FGF13: variants seen among roughly 807,000 people sequenced by gnomAD.
FGF13 encodes the protein fibroblast growth factor homologous factor 2.
A neutral mutation model predicts 19.5 loss-of-function variants in FGF13; 2 were observed. The observed-to-expected ratio is 0.10, with a 90% confidence interval of 0.04 to 0.32. The LOEUF is 0.32. FGF13 is among the 10% of genes least tolerant of loss of function. FGF13 has a pLI of 1.00. For synonymous variants in FGF13, 72 were observed against 76.9 expected, an observed-to-expected ratio of 0.94 and a Z score of 0.33; for missense variants, 113 against 192.7, an observed-to-expected ratio of 0.59 and a Z score of 2.45.
At chrX:138,667,409 G>T (rs2089561904) in intron 3 of FGF13, among the ~76,000 whole-genome samples, 1 of 109,438 alleles carries the variant, frequency 9.1e-6, no homozygotes, top group Non-Finnish European at 1.9e-5. Flanking sequence ...ATACCTTTTT[G>T]TATTTTCCAA....
intron 1 of FGF13, among the ~76,000 whole-genome samples, chrX:139,020,671 G>A (rs1371448254): frequency 3.6e-5 from 4 of 111,218 alleles, no homozygotes; most frequent in African/African-American, 6.5e-5. Flanking sequence ...GTAGACACTC[G>A]ATAATTCAAG....
intron 1 of FGF13, among the ~76,000 whole-genome samples, chrX:138,875,852 G>A (rs765557752): frequency 2.1e-4 from 24 of 111,677 alleles, no homozygotes; most frequent in African/African-American, 7.8e-4. Flanking sequence ...AGCTCTCCCG[G>A]TTCTCAGGCG....
intron 1 of FGF13, among the ~76,000 whole-genome samples, chrX:138,921,128 T>G (rs952654218): frequency 2.7e-5 from 3 of 111,776 alleles, no homozygotes; most frequent in African/African-American, 9.7e-5. Flanking sequence ...GCCAGGTACA[T>G]AGTTAGCACT....
rs756370648 is a variant in FGF13 at position 138,656,018 on chromosome X, T to C, written c.403-20363A>G. ...ACATGCATGAAAAGTGTAGACACTA[T>C]GCTAAAGCCCTAGGGATACTACAGT... On this transcript the variant is annotated intron_variant, in intron 3 of 4. Coordinates refer to ENST00000315930, the MANE Select transcript of FGF13 (RefSeq NM_004114.5). 1.2e-3 allele frequency among the ~76,000 whole-genome samples: 133 copies of C among 112,295 alleles called. 1 individual carries two copies. The highest frequency in any genetic ancestry group is 1.1e-3 in the Non-Finnish European group (57 of 53,259).
chrX:139,090,678 G>A (rs963426845), intron 1 of FGF13, among the ~76,000 whole-genome samples: 1 of 111,010 alleles, frequency 9.0e-6, no homozygotes, highest in East Asian at 2.8e-4. Context: ...GGTGGCTCAC[G>A]CCTGTAATCC....
intron 3 of FGF13, among the ~76,000 whole-genome samples, chrX:138,664,214 T>C (rs1169020385): frequency 8.9e-6 from 1 of 111,934 alleles, no homozygotes; most frequent in Non-Finnish European, 1.9e-5. Flanking sequence ...GTTTGATTGA[T>C]GCAATGAAGC....
At chrX:138,769,516 A>G (rs142340832) in intron 3 of FGF13, among the ~76,000 whole-genome samples, 1,796 of 112,031 alleles carry the variant, frequency 0.016, 25 homozygotes, top group African/African-American at 0.055. Flanking sequence ...AATTATTATT[A>G]TACCATTATA....
At chrX:138,782,112 T>C (rs1485664153) in intron 3 of FGF13, among the ~76,000 whole-genome samples, 1 of 111,891 alleles carries the variant, frequency 8.9e-6, no homozygotes, top group Non-Finnish European at 1.9e-5. Flanking sequence ...TCAACAACCC[T>C]TCATGCTAAA....
At chrX:138,750,266 T>A (rs2090388557) in intron 3 of FGF13, among the ~76,000 whole-genome samples, 1 of 112,024 alleles carries the variant, frequency 8.9e-6, no homozygotes, top group Non-Finnish European at 1.9e-5. Flanking sequence ...ATGGGTGATT[T>A]AAATAACTAT....
chrX:138,671,859 A>G (rs1220490707), intron 3 of FGF13, among the ~76,000 whole-genome samples: 5 of 110,408 alleles, frequency 4.5e-5, no homozygotes, highest in African/African-American at 1.6e-4. Flanking sequence ...AATGGGAGAT[A>G]GGAAATTATG....
intron 1 of FGF13, among the ~76,000 whole-genome samples, chrX:139,005,962 G>C (rs1048223273): frequency 2.7e-5 from 3 of 110,016 alleles, no homozygotes; most frequent in African/African-American, 9.9e-5. Context: ...GCAAAGCTAA[G>C]AGTTACTGGC....
chrX:138,695,623 A>G (rs758685284), intron 3 of FGF13, among the ~76,000 whole-genome samples: 6 of 111,956 alleles, frequency 5.4e-5, no homozygotes, highest in Non-Finnish European at 9.4e-5. Flanking sequence ...CAAATGGAGC[A>G]AAATGAATCG....
chrX:138,990,938 G>C (rs1002483476), intron 1 of FGF13, among the ~76,000 whole-genome samples: 1 of 112,057 alleles, frequency 8.9e-6, no homozygotes. Context: ...AGGGCTCCAG[G>C]TTTAGTTAGC....
chrX:138,691,033 T>A (rs968509223), intron 3 of FGF13, among the ~76,000 whole-genome samples: 2 of 111,521 alleles, frequency 1.8e-5, no homozygotes, highest in African/African-American at 6.5e-5. Flanking sequence ...TTGGCAAAGC[T>A]TGTGGACCAT....
intron 3 of FGF13, among the ~76,000 whole-genome samples, chrX:138,827,589 T>G (rs1255705538): frequency 9.0e-6 from 1 of 111,318 alleles, no homozygotes; most frequent in Non-Finnish European, 1.9e-5. Flanking sequence ...ATTTATTAAG[T>G]GTTAGGAACA....
intron 1 of FGF13, among the ~76,000 whole-genome samples, chrX:139,091,913 G>A (rs146033099): frequency 0.014 from 1,517 of 110,118 alleles, 14 homozygotes; most frequent in Non-Finnish European, 0.024. Context: ...CTTAGCTGTC[G>A]TAGTCTGAGT....
chrX:138,772,606 T>G (rs1455842448), intron 3 of FGF13, among the ~76,000 whole-genome samples: 1 of 111,642 alleles, frequency 9.0e-6, no homozygotes, highest in African/African-American at 3.3e-5. Flanking sequence ...TGAGTTTTGT[T>G]AGTGAGTTGC....
At chrX:138,727,619 C>CA (rs1308466828) in intron 1 of FGF13, among the ~76,000 whole-genome samples, 1 of 111,049 alleles carries the variant, frequency 9.0e-6, no homozygotes, top group Non-Finnish European at 1.9e-5. Context: ...CTAGATTTAC[C>CA]ATAGAAATAC....
intron 1 of FGF13, among the ~76,000 whole-genome samples, chrX:138,970,044 C>A (rs751720442): frequency 1.4e-4 from 16 of 111,664 alleles, no homozygotes; most frequent in African/African-American, 4.9e-4. Context: ...GTTATAATGC[C>A]AAAATGAAGA....
Sources: gnomAD v4.1 joint callset for allele counts (sites outside exome capture counted in the v4.1 genomes callset) on GRCh38, gnomAD v4.1.1 for gene constraint, MANE v1.5 for transcripts, NCBI Gene and HGNC (gene_info 2026-07-23, HGNC 2026-07-21) for gene names.